The following RAB3GAP2 variants were observed in gnomAD, a reference collection of about 807,000 sequenced individuals.
RAB3GAP2 encodes the protein rab3 GTPase-activating protein non-catalytic subunit.
Under a neutral mutation model 185.3 loss-of-function variants are expected in RAB3GAP2, and 87 were observed. That is an observed-to-expected ratio of 0.47 (90% CI 0.39 to 0.56). The LOEUF (loss-of-function observed/expected upper bound fraction) is 0.56, where lower values mean the gene tolerates loss of function less well. RAB3GAP2 is among the 20% of genes least tolerant of loss of function. RAB3GAP2 has a pLI of 0.00. For synonymous variants in RAB3GAP2, 554 were observed against 576.1 expected (o/e 0.96, Z 0.55); for missense variants, 1,492 against 1,638.2 (o/e 0.91, Z 1.54).
At chr1:220,205,598 G>A (rs999296571) in intron 8 of RAB3GAP2, among the ~76,000 whole-genome samples, 3 of 152,160 alleles carry the variant, frequency 2.0e-5, no homozygotes, top group Non-Finnish European at 4.4e-5. Context: ...ACTAGGGTTG[G>A]TTGTCAATGT....
chr1:220,154,295 T>A, intron 31 of RAB3GAP2: 4 of 459,864 alleles, frequency 8.7e-6, no homozygotes, highest in Non-Finnish European at 1.5e-5. Context: ...TCTCCTTGCA[T>A]GGAGGCTGAT....
At chr1:220,191,786 C>G (rs1658626449) in intron 13 of RAB3GAP2, among the ~76,000 whole-genome samples, 1 of 151,726 alleles carries the variant, frequency 6.6e-6, no homozygotes, top group Admixed American at 6.6e-5. Context: ...CCATTGAACT[C>G]CAGCCTGGGC....
At chr1:220,182,472 T>C in intron 20 of RAB3GAP2, 118 bp from the exon 21 acceptor site, 10 of 1,442,026 alleles carry the variant, frequency 6.9e-6, no homozygotes, top group Non-Finnish European at 9.4e-6. Flanking sequence ...GAAGAGAAAT[T>C]AATTGTTCAA....
chr1:220,176,576 G>C (rs1658293904), intron 21 of RAB3GAP2, among the ~76,000 whole-genome samples: 1 of 152,172 alleles, frequency 6.6e-6, no homozygotes, highest in Admixed American at 6.5e-5. Flanking sequence ...CTGCCCGCTA[G>C]CACTGGTCTC....
chr1:220,161,416 G>A (rs1657961576), intron 28 of RAB3GAP2, among the ~76,000 whole-genome samples: 1 of 152,118 alleles, frequency 6.6e-6, no homozygotes, highest in African/African-American at 2.4e-5. Flanking sequence ...TTGTTGAGTG[G>A]CCTGTAAAAC....
chr1:220,237,259 G>A (rs569024833), intron 1 of RAB3GAP2, among the ~76,000 whole-genome samples: 6 of 152,066 alleles, frequency 3.9e-5, no homozygotes, highest in Admixed American at 1.3e-4. Flanking sequence ...TCTCATTTCC[G>A]TGAAAGACTA....
intron 2 of RAB3GAP2, among the ~76,000 whole-genome samples, chr1:220,229,061 T>C (rs10863537): frequency 0.39 from 58,918 of 152,008 alleles, 14,252 homozygotes; most frequent in African/African-American, 0.68. Flanking sequence ...ATATCCTTGC[T>C]GAAAAAAGAA....
rs772019999 is a variant in RAB3GAP2 at position 220,212,888 on chromosome 1, C to G, written c.385G>C (p.Gly129Arg). ...AAACAAAAATTAACTGGCACCTACC[C>G]TTCTTCGACATTTAAGGAACCACTC... ...GWSGSLNVEE[G>R]ECVTSALCIP... The change falls in exon 4 of 35, where the codon GGG becomes CGG. Residue 129 changes from glycine (G) to arginine (R), a missense_variant and splice_region_variant. This residue lies in a region of RAB3GAP2 where 177 missense variants were observed against 160.6 expected (regional missense o/e 1.10). Coordinates refer to ENST00000358951, the MANE Select transcript of RAB3GAP2 (RefSeq NM_012414.4). 6.2e-7 allele frequency: 1 copy of G among 1,610,986 alleles called. No homozygotes were observed. The highest frequency in any genetic ancestry group is 1.7e-5 in the Admixed American group (1 of 60,000).
Position 220,153,339 on chromosome 1 carries a change from G to A in RAB3GAP2, c.3713C>T (p.Thr1238Ile). 6.2e-7 allele frequency: 1 copy of A among 1,614,224 alleles called. No individual in the cohort carries two copies. Among genetic ancestry groups the A allele is most frequent in the Non-Finnish European group, 8.5e-7 (1 of 1,180,032 alleles). Reference sequence around the variant, plus strand: ...AAAAGGAGTGGGTGTGGCCTCTTCTGTGGGATCTTTGACCTTTGTGGCTGA... The same window carrying A: ...AAAAGGAGTGGGTGTGGCCTCTTCTATGGGATCTTTGACCTTTGTGGCTGA... ...QHSATKVKDP[T>I]EEATPTPFGK... Residue 1238 changes from threonine (T) to isoleucine (I), a missense_variant, in exon 33 of 35, where the codon ACA (threonine) becomes ATA (isoleucine). Thr to Ile is a moderately conservative substitution (Grantham distance 89). Around this residue, in one of 5 missense-constraint regions of RAB3GAP2, gnomAD observed 387 missense variants for 455.3 expected, o/e 0.85. Coordinates refer to ENST00000358951, the MANE Select transcript of RAB3GAP2 (RefSeq NM_012414.4).
chr1:220,166,025 C>G (rs1474257476), intron 26 of RAB3GAP2, among the ~76,000 whole-genome samples: 1 of 152,178 alleles, frequency 6.6e-6, no homozygotes, highest in Non-Finnish European at 1.5e-5. Context: ...TCATTCTAGA[C>G]ATAACATTCC....
chr1:220,216,697 T>A (rs926052027), intron 2 of RAB3GAP2, among the ~76,000 whole-genome samples: 1 of 152,178 alleles, frequency 6.6e-6, no homozygotes, highest in African/African-American at 2.4e-5. Context: ...TCCTAAAATC[T>A]CCATCTCAAT....
intron 1 of RAB3GAP2, among the ~76,000 whole-genome samples, chr1:220,252,744 T>C (rs1437622706): frequency 6.6e-6 from 1 of 152,176 alleles, no homozygotes; most frequent in Admixed American, 6.5e-5. Context: ...ACCAGGGCCT[T>C]GGGTCTGATA....
chr1:220,210,679 C>G, intron 6 of RAB3GAP2, 122 bp downstream of exon 6: 1 of 1,140,296 alleles, frequency 8.8e-7, no homozygotes, highest in Non-Finnish European at 1.3e-6. Flanking sequence ...CCTCTACCCC[C>G]ATAAAGAATC....
At position 220,165,820 on chromosome 1, in the gene RAB3GAP2, T is replaced by C. The variant is rs570543246; in HGVS notation, c.3088-1021A>G. Among the ~76,000 whole-genome samples, 5 of 152,096 alleles carry C rather than the reference T, an allele frequency of 3.3e-5. No individual in the cohort carries two copies. In the South Asian group the frequency reaches 1.0e-3, roughly 32 times the overall value. ...TTTAGGAGAACATTGAAACGAAGAG[T>C]TCAGAAACCGTGTGCTATGAGGATT... On this transcript the variant is annotated intron_variant, in intron 26 of 34. Coordinates refer to ENST00000358951, the MANE Select transcript of RAB3GAP2 (RefSeq NM_012414.4).
At chr1:220,162,391 C>T in intron 27 of RAB3GAP2, 123 bp from the exon 28 acceptor site, 1 of 669,528 alleles carries the variant, frequency 1.5e-6, no homozygotes, top group Non-Finnish European at 2.6e-6. Context: ...TTTTATATCT[C>T]ATGTAATATT....
chr1:220,266,500 GCTA>G (rs1462193601), intron 1 of RAB3GAP2: 2 of 590,862 alleles, frequency 3.4e-6, no homozygotes, highest in South Asian at 1.9e-5. Flanking sequence ...AATTCTCGTG[GCTA>G]CTTTCACTTC....
intron 1 of RAB3GAP2, among the ~76,000 whole-genome samples, chr1:220,263,464 A>G (rs1476801183): frequency 6.6e-6 from 1 of 152,070 alleles, no homozygotes; most frequent in Non-Finnish European, 1.5e-5. Flanking sequence ...TAATTTTTGT[A>G]TATGGTATAA....
intron 26 of RAB3GAP2, among the ~76,000 whole-genome samples, chr1:220,166,481 G>A (rs1053371843): frequency 6.6e-6 from 1 of 152,212 alleles, no homozygotes; most frequent in Non-Finnish European, 1.5e-5. Flanking sequence ...TTTGATCATG[G>A]CACCTTCATT....
intron 1 of RAB3GAP2, among the ~76,000 whole-genome samples, chr1:220,264,355 A>G (rs1660192969): frequency 6.6e-6 from 1 of 152,100 alleles, no homozygotes; most frequent in African/African-American, 2.4e-5. Context: ...AACTAATAAT[A>G]AAACGAATGG....
Sources: allele counts gnomAD v4.1 joint callset (sites outside exome capture counted in the v4.1 genomes callset), GRCh38; gene constraint gnomAD v4.1.1; regional missense constraint gnomAD v4.1.1; transcripts MANE v1.5; gene names NCBI Gene and HGNC (gene_info 2026-07-23, HGNC 2026-07-21).